KCNC1: variants seen among roughly 807,000 people sequenced by gnomAD.
KCNC1 encodes the protein voltage-gated potassium channel KCNC1.
In KCNC1, 8 loss-of-function variants were observed where a neutral mutation model predicts 43.4. The ratio of observed to expected loss-of-function variants is 0.18; its 90% CI spans 0.11 to 0.33. The LOEUF is 0.33. Ranked by LOEUF, KCNC1 falls within the 10% of genes least tolerant of loss-of-function variation. The pLI, the probability that KCNC1 is intolerant of heterozygous loss-of-function variation, is 1.00. For synonymous variants in KCNC1, 361 were observed against 360.5 expected, an observed-to-expected ratio of 1.00 and a Z score of -0.01; for missense variants, 420 against 836.0, an observed-to-expected ratio of 0.50 and a Z score of 6.14.
chr11:17,748,740 G>C (rs374197393), intron 1 of KCNC1, among the ~76,000 whole-genome samples: 44 of 152,300 alleles, frequency 2.9e-4, no homozygotes, highest in African/African-American at 6.7e-4. Flanking sequence ...GAGTGTTCCA[G>C]CCCAGGGCTC....
intron 1 of KCNC1, among the ~76,000 whole-genome samples, chr11:17,740,229 C>T (rs1848822688): frequency 6.6e-6 from 1 of 152,154 alleles, no homozygotes; most frequent in African/African-American, 2.4e-5. Context: ...TGGGCATCAG[C>T]CTGAGGGGAT....
At position 17,748,406 on chromosome 11, in the gene KCNC1, CAGACAG is replaced by C. The variant is rs530125507; in HGVS notation, c.570+11836_570+11841del. ...CAGAAGGGGTGGTGCTCCTTCCACA[CAGACAG>C]AAAGATGGAGGAATGTACTCTGGGG... On this transcript the variant is annotated intron_variant, in intron 1 of 3. Coordinates refer to ENST00000265969, the MANE Select transcript of KCNC1 (RefSeq NM_001112741.2). 6.7e-3 allele frequency among the ~76,000 whole-genome samples: 1,018 copies of C among 152,108 alleles called. 10 individuals carry two copies. Among genetic ancestry groups the C allele is most frequent in the Non-Finnish European group, 8.4e-3 (568 of 68,014 alleles).
chr11:17,762,638 G>T (rs1200052655), intron 1 of KCNC1, among the ~76,000 whole-genome samples: 1 of 152,164 alleles, frequency 6.6e-6, no homozygotes, highest in Non-Finnish European at 1.5e-5. Context: ...GAAGGCAGGT[G>T]GGCCTGAGGG....
intron 1 of KCNC1, among the ~76,000 whole-genome samples, chr11:17,747,581 T>TGGGCGGTGCCCAC (rs1238132889): frequency 2.6e-5 from 4 of 152,164 alleles, no homozygotes; most frequent in Non-Finnish European, 2.9e-5. Flanking sequence ...TGGGTGCCCA[T>TGGGCGGTGCCCAC]GGGCGGTGCC....
chr11:17,748,769 C>A (rs1462768773), intron 1 of KCNC1, among the ~76,000 whole-genome samples: 2 of 152,140 alleles, frequency 1.3e-5, no homozygotes, highest in African/African-American at 4.8e-5. Flanking sequence ...TTGCCCTCTG[C>A]TCCCCTCCTG....
chr11:17,775,205 A>G, intron 2 of KCNC1: 1 of 985,626 alleles, frequency 1.0e-6, no homozygotes, highest in South Asian at 4.7e-5. Context: ...TGGCCTCGCC[A>G]AAACCTGAGC....
At chr11:17,766,380 T>C (rs1211611742) in intron 1 of KCNC1, among the ~76,000 whole-genome samples, 3 of 152,184 alleles carry the variant, frequency 2.0e-5, no homozygotes, top group African/African-American at 7.2e-5. Context: ...TGTGTGTTTG[T>C]GGTCTGTGGG....
chr11:17,749,334 G>T (rs1367019743), intron 1 of KCNC1, among the ~76,000 whole-genome samples: 1 of 152,246 alleles, frequency 6.6e-6, no homozygotes, highest in East Asian at 1.9e-4. Flanking sequence ...TTTGTGGGAT[G>T]CTCTGCAGAC....
In KCNC1 at chr11:17,777,717, G is replaced by A. The variant is rs1026018649; in HGVS notation, c.1505-1739G>A. ...GGATTTGTCGAGAAACGCACTGTAC[G>A]TGAAATGCTTTGCCATCTTGTACGA... is the stretch of plus-strand genomic sequence containing the variant. On this transcript the variant is annotated intron_variant, in intron 2 of 3. Coordinates refer to ENST00000265969, the MANE Select transcript of KCNC1 (RefSeq NM_001112741.2). The surrounding 1 kb of genome is among the most constrained non-coding windows in gnomAD (Gnocchi z 4.3). 1.8e-5 allele frequency: 18 copies of A among 986,030 alleles called. No homozygotes were observed. The East Asian group carries it at 1.5e-3, about 81-fold the overall frequency. 61.1% of individuals were successfully genotyped at this position (986,030 alleles called of 1,614,324 possible). A position where few individuals can be genotyped will look rare whatever the true frequency, so the allele number is the denominator to read the frequency against.
chr11:17,781,473 A>C lies in KCNC1; in HGVS notation c.1694-197A>C. The C allele has an allele frequency of 1.7e-6, 1 of 573,504 alleles. No homozygotes were observed. The highest frequency in any genetic ancestry group is 2.3e-5 in the South Asian group (1 of 43,378). The allele number at this position is 573,504 out of a possible 1,614,324, so 35.5% of individuals were successfully genotyped here. On this transcript the variant is annotated intron_variant, in intron 3 of 3. Coordinates refer to ENST00000265969, the MANE Select transcript of KCNC1 (RefSeq NM_001112741.2). The surrounding 1 kb of genome is among the most constrained non-coding windows in gnomAD (Gnocchi z 5.1). Reference sequence around the variant, plus strand: ...CAGAGCAGAAGTAGGGACTCATCCCATTCCCCCAGGAGGGAGAGAAAGAGG... The same window carrying C: ...CAGAGCAGAAGTAGGGACTCATCCCCTTCCCCCAGGAGGGAGAGAAAGAGG...
chr11:17,755,449 G>T (rs1292001920), intron 1 of KCNC1, among the ~76,000 whole-genome samples: 1 of 152,166 alleles, frequency 6.6e-6, no homozygotes, highest in Admixed American at 6.5e-5. Context: ...TAAGAGACTG[G>T]TCTATTACCA....
Position 17,772,247 on chromosome 11 carries a change from A to G in KCNC1, c.1153A>G (p.Lys385Glu). 6.2e-7 allele frequency: 1 copy of G among 1,614,090 alleles called. No individual in the cohort carries two copies. Residue 385 changes from lysine to glutamate, a missense_variant, in exon 2 of 4, where the codon AAG becomes GAG. By Grantham distance (56) the Lys-to-Glu change is moderately conservative. Around this residue, in one of 5 missense-constraint regions of KCNC1, gnomAD observed 58 missense variants for 256.9 expected, o/e 0.23. Transcript: ENST00000265969. ...CAGCGCCAGTGAGCACACGCACTTT[A>G]AGAACATCCCCATCGGCTTCTGGTG... is the stretch of plus-strand genomic sequence containing the variant. Reference protein sequence around the residue: ...DPSASEHTHFKNIPIGFWWAV... With the variant: ...DPSASEHTHFENIPIGFWWAV...
intron 1 of KCNC1, among the ~76,000 whole-genome samples, chr11:17,763,431 G>C (rs1849100077): frequency 5.3e-5 from 8 of 151,914 alleles, no homozygotes; most frequent in Admixed American, 5.2e-4. Context: ...TGCCCAGCCA[G>C]ACCCTGGTTC....
At chr11:17,774,481 T>G in intron 2 of KCNC1, 2 of 985,504 alleles carry the variant, frequency 2.0e-6, no homozygotes, top group Non-Finnish European at 2.4e-6. Context: ...TCCTCTGTAC[T>G]CTTGGACAAT....
intron 2 of KCNC1, chr11:17,774,387 G>T (rs1849263026): frequency 1.0e-6 from 1 of 985,526 alleles, no homozygotes; most frequent in South Asian, 4.7e-5. Context: ...CCCGACACTG[G>T]ATCTTTCAGG....
chr11:17,761,858 C>T (rs1455156829), intron 1 of KCNC1, among the ~76,000 whole-genome samples: 1 of 152,168 alleles, frequency 6.6e-6, no homozygotes, highest in African/African-American at 2.4e-5. Flanking sequence ...TTGGATCTCC[C>T]TTCAGTCACT....
At position 17,777,522 on chromosome 11, in the gene KCNC1, A is replaced by G; in HGVS notation, c.1505-1934A>G. The G allele has an allele frequency of 1.0e-6, 1 of 985,868 alleles. No individual in the cohort carries two copies. The highest frequency in any genetic ancestry group is 1.2e-6 in the Non-Finnish European group (1 of 829,980). 61.1% of individuals were successfully genotyped at this position (985,868 alleles called of 1,614,324 possible). ...CAGCCCGGAGACCCTTGGATGGAAGACTGGGCCAGCCAGAGTGGGAGGCAG... is the reference window on the plus strand; with the variant it reads ...CAGCCCGGAGACCCTTGGATGGAAGGCTGGGCCAGCCAGAGTGGGAGGCAG... On this transcript the variant is annotated intron_variant, in intron 2 of 3. Transcript: ENST00000265969. The surrounding 1 kb of genome is among the most constrained non-coding windows in gnomAD (Gnocchi z 4.3).
rs1297272298 is a variant in KCNC1, at chr11:17,736,713, A to G, written c.570+141A>G. 9.5e-6 allele frequency: 13 copies of G among 1,367,172 alleles called. No individual in the cohort carries two copies. The highest frequency in any genetic ancestry group is 1.5e-5 in the African/African-American group (1 of 67,496). 84.7% of individuals were successfully genotyped at this position (1,367,172 alleles called of 1,614,324 possible). On this transcript the variant is annotated intron_variant, in intron 1 of 3. Coordinates refer to ENST00000265969, the MANE Select transcript of KCNC1 (RefSeq NM_001112741.2). The surrounding 1 kb of genome is among the most constrained non-coding windows in gnomAD (Gnocchi z 9.3). ...GTGTGTGCGCATGTGTGCACGTACC[A>G]GGGTAAGAGAGGAAGGGTGTCCGCC...
At chr11:17,772,746 A>G in intron 2 of KCNC1, 148 bp downstream of exon 2, 2 of 1,496,482 alleles carry the variant, frequency 1.3e-6, no homozygotes, top group Non-Finnish European at 1.8e-6. Context: ...CTGGGGGCCC[A>G]GGGAGATGCT....
Sources: gnomAD v4.1 joint callset for allele counts (sites outside exome capture counted in the v4.1 genomes callset) on GRCh38, gnomAD v4.1.1 for gene constraint, gnomAD v4.1.1 regional missense constraint, Gnocchi (gnomAD v3.1) non-coding constraint, MANE v1.5 for transcripts, NCBI Gene and HGNC (gene_info 2026-07-23, HGNC 2026-07-21) for gene names.